Variants in USH2A observed in about 807,000 individuals in gnomAD.
The protein encoded by USH2A is Usher syndrome 2A (autosomal recessive, mild).
A neutral mutation model predicts 538.9 loss-of-function variants in USH2A; 443 were observed. That is an observed-to-expected ratio of 0.82 (90% CI 0.76 to 0.89). USH2A has a LOEUF of 0.89. USH2A is among the 40% of genes least tolerant of loss of function. The probability of loss-of-function intolerance (pLI) is 0.00; values close to 1 mark genes in which losing one functional copy is unlikely to be tolerated. For synonymous variants in USH2A, 2,413 were observed against 2,273.5 expected (o/e 1.06, Z -1.75); for missense variants, 6,633 against 6,324.8 (o/e 1.05, Z -1.65).
At position 216,324,263 on chromosome 1, in the gene USH2A, G is replaced by C; in HGVS notation, c.1233C>G (p.Asp411Glu). 1 of 1,613,266 alleles carries C rather than the reference G, an allele frequency of 6.2e-7. No homozygotes were observed. Among genetic ancestry groups the C allele is most frequent in the South Asian group, 1.1e-5 (1 of 91,050 alleles). The change falls in exon 7 of 72, where the codon GAC becomes GAG. Residue 411 changes from aspartate to glutamate, a missense_variant. By Grantham distance (45) the Asp-to-Glu change is conservative. Transcript: ENST00000307340. Reference protein sequence around the residue: ...RKKENSLDWEDWQYFARNCGA... With the variant: ...RKKENSLDWEEWQYFARNCGA... The stretch of plus-strand genomic sequence containing the variant: ...CACAATTCCTGGCAAAATATTGCCA[G>C]TCCTCCCAATCTAAACTATTTTCCT...
At position 215,912,499 on chromosome 1, in the gene USH2A, A is replaced by ATATATG. The variant is rs1553275509; in HGVS notation, c.7301-11595_7301-11594insCATATA. On this transcript the variant is annotated intron_variant, in intron 38 of 71. Coordinates refer to ENST00000307340, the MANE Select transcript of USH2A (RefSeq NM_206933.4). ...TACGTATATATATATATGTGTATATATATATATATATACGTGTATATATAT... is the reference window on the plus strand; with the variant it reads ...TACGTATATATATATATGTGTATATATATATGTATATATATATACGTGTATATATAT... Among the ~76,000 whole-genome samples, 57 of 43,192 alleles carry ATATATG rather than the reference A, an allele frequency of 1.3e-3. 1 individual carries two copies. Among genetic ancestry groups the ATATATG allele is most frequent in the Admixed American group, 3.2e-3 (11 of 3,434 alleles). 28.3% of individuals were successfully genotyped at this position (43,192 alleles called of 152,430 possible).
At position 216,070,091 on chromosome 1, in the gene USH2A, T is replaced by C; in HGVS notation, c.6049+10A>G. 6.2e-7 allele frequency: 1 copy of C among 1,613,834 alleles called. No homozygotes were observed. Among genetic ancestry groups the C allele is most frequent in the Non-Finnish European group, 8.5e-7 (1 of 1,179,812 alleles). On this transcript the variant is annotated intron_variant, in intron 30 of 71. Coordinates refer to ENST00000307340, the MANE Select transcript of USH2A (RefSeq NM_206933.4). ...TAATAGGGTCTACTCTGTTAAAGGATTGCATTTACCTGTGAGGTTGCTTGT... is the reference window on the plus strand; with the variant it reads ...TAATAGGGTCTACTCTGTTAAAGGACTGCATTTACCTGTGAGGTTGCTTGT...
chr1:216,036,721 G>T (rs1164199035), intron 32 of USH2A, among the ~76,000 whole-genome samples: 2 of 152,056 alleles, frequency 1.3e-5, no homozygotes, highest in African/African-American at 4.8e-5. Context: ...TGGAGAAAGA[G>T]GTAGATGTTT....
At chr1:216,230,896 TCTCACACA>T (rs2035664173) in intron 14 of USH2A, among the ~76,000 whole-genome samples, 2 of 149,168 alleles carry the variant, frequency 1.3e-5, no homozygotes, top group African/African-American at 2.5e-5. Context: ...TCTCTCTCTC[TCTCACACA>T]CACACACACA....
At chr1:215,731,760 C>T (rs953229900) in intron 60 of USH2A, among the ~76,000 whole-genome samples, 5 of 152,162 alleles carry the variant, frequency 3.3e-5, no homozygotes, top group Admixed American at 3.3e-4. Flanking sequence ...AAAACAAAAT[C>T]CTAGAACCCA....
chr1:216,320,129 G>A (rs1022583810), intron 9 of USH2A, among the ~76,000 whole-genome samples: 1 of 152,126 alleles, frequency 6.6e-6, no homozygotes, highest in African/African-American at 2.4e-5. Flanking sequence ...CCCAGTGTTG[G>A]AGGTGAGCCT....
intron 35 of USH2A, among the ~76,000 whole-genome samples, chr1:215,981,528 A>G (rs1336117589): frequency 6.6e-6 from 1 of 152,074 alleles, no homozygotes; most frequent in Non-Finnish European, 1.5e-5. Context: ...TTGACTTTCA[A>G]CCCTGTTGTT....
intron 41 of USH2A, among the ~76,000 whole-genome samples, chr1:215,883,877 CT>C (rs1282313568): frequency 6.6e-6 from 1 of 152,134 alleles, no homozygotes; most frequent in Non-Finnish European, 1.5e-5. Context: ...ATCATTTAGT[CT>C]TCTATTTATA....
chr1:216,296,546 T>G (rs2102616603), intron 9 of USH2A, among the ~76,000 whole-genome samples: 1 of 152,216 alleles, frequency 6.6e-6, no homozygotes, highest in African/African-American at 2.4e-5. Flanking sequence ...AGCTGACAAT[T>G]CACAATTAAT....
rs1289393326 is a variant in USH2A at position 215,758,685 on chromosome 1, T to A, written c.11299A>T (p.Thr3767Ser). The change falls in exon 58 of 72, where the codon ACA (threonine) becomes TCA (serine). Residue 3767 changes from threonine to serine, a missense_variant. By Grantham distance (58) the Thr-to-Ser change is moderately conservative. Coordinates refer to ENST00000307340, the MANE Select transcript of USH2A (RefSeq NM_206933.4). Reference sequence around the variant, plus strand: ...ATTTCTTCTGGTGTTGACATAGGTGTTTGAACAATGTAATCATCACTAGCA... The same window carrying A: ...ATTTCTTCTGGTGTTGACATAGGTGATTGAACAATGTAATCATCACTAGCA... ...SSASDDYIVQ[T>S]PMSTPEEIYP... 1.2e-6 allele frequency: 2 copies of A among 1,613,822 alleles called. No homozygotes were observed. The highest frequency in any genetic ancestry group is 1.7e-6 in the Non-Finnish European group (2 of 1,179,900).
At chr1:216,262,510 TAACTC>T (rs886319897) in intron 11 of USH2A, among the ~76,000 whole-genome samples, 4 of 151,734 alleles carry the variant, frequency 2.6e-5, no homozygotes, top group Admixed American at 6.6e-5. Flanking sequence ...TCTATTGAAA[TAACTC>T]AAGCAGACAG....
chr1:216,363,839 G>T (rs1307136572), intron 4 of USH2A, among the ~76,000 whole-genome samples: 2 of 151,742 alleles, frequency 1.3e-5, no homozygotes, highest in Non-Finnish European at 1.5e-5. Context: ...TTTATTTTTA[G>T]AAGGCTCAGA....
At chr1:216,060,591 T>C (rs909552955) in intron 30 of USH2A, among the ~76,000 whole-genome samples, 5 of 152,252 alleles carry the variant, frequency 3.3e-5, no homozygotes, top group Non-Finnish European at 5.9e-5. Flanking sequence ...GAAATATTAC[T>C]ATTATTTATC....
At chr1:216,145,864 T>G in intron 21 of USH2A, among the ~76,000 whole-genome samples, 1 of 151,548 alleles carries the variant, frequency 6.6e-6, no homozygotes, top group Non-Finnish European at 1.5e-5. Context: ...CACTCCTACC[T>G]GCCAGAGAAC....
chr1:215,676,399 G>A (rs1436368994), intron 62 of USH2A, among the ~76,000 whole-genome samples: 1 of 152,086 alleles, frequency 6.6e-6, no homozygotes, highest in African/African-American at 2.4e-5. Context: ...GAATGCAGGT[G>A]TTTTTGAACA....
At chr1:215,803,897 C>T (rs1338663593) in intron 49 of USH2A, among the ~76,000 whole-genome samples, 1 of 152,184 alleles carries the variant, frequency 6.6e-6, no homozygotes, top group Admixed American at 6.5e-5. Context: ...TACAAGGCTA[C>T]AGTAACCAAA....
intron 3 of USH2A, among the ~76,000 whole-genome samples, chr1:216,367,808 A>G (rs2038628029): frequency 6.6e-6 from 1 of 152,184 alleles, no homozygotes; most frequent in African/African-American, 2.4e-5. Flanking sequence ...AGCTGTAAAG[A>G]CTGAGGTGGA....
intron 2 of USH2A, among the ~76,000 whole-genome samples, chr1:216,420,429 AT>A (rs1160086377): frequency 6.6e-6 from 1 of 151,930 alleles, no homozygotes; most frequent in African/African-American, 2.4e-5. Context: ...TGGATAATCC[AT>A]GTTTTGTTTG....
At chr1:216,301,281 T>A (rs1447462794) in intron 9 of USH2A, among the ~76,000 whole-genome samples, 1 of 151,978 alleles carries the variant, frequency 6.6e-6, no homozygotes, top group African/African-American at 2.4e-5. Flanking sequence ...AGGGAGAAAA[T>A]TTCCCTTCAA....
Sources: gnomAD v4.1 joint callset for allele counts (sites outside exome capture counted in the v4.1 genomes callset) on GRCh38, gnomAD v4.1.1 for gene constraint, MANE v1.5 for transcripts, NCBI Gene and HGNC (gene_info 2026-07-23, HGNC 2026-07-21) for gene names.